The following RIC3 variants were observed in gnomAD, a reference collection of about 807,000 sequenced individuals.
RIC3 encodes RIC3 acetylcholine receptor chaperone, also known as protein RIC-3.
In RIC3, 28 loss-of-function variants were observed where a neutral mutation model predicts 27.3. The ratio of observed to expected loss-of-function variants is 1.02; its 90% CI spans 0.76 to 1.41. The LOEUF (loss-of-function observed/expected upper bound fraction) is 1.41, where lower values mean the gene tolerates loss of function less well. RIC3 is among the 40% of genes most tolerant of loss of function. The probability of loss-of-function intolerance (pLI) is 0.00; values close to 1 mark genes in which losing one functional copy is unlikely to be tolerated. For missense variants in RIC3, 501 were observed against 444.7 expected (o/e 1.13, Z -1.14); for synonymous variants, 184 against 160.4 (o/e 1.15, Z -1.11).
chr11:8,096,779 C>G, the RIC3 span: 1 of 1,614,184 alleles, frequency 6.2e-7, no homozygotes, highest in East Asian at 2.2e-5. Flanking sequence ...CCCGCCCCAG[C>G]TCTGCTACTA....
rs1944723489 is a variant in RIC3 at position 8,106,867 on chromosome 11, G to C, written c.*3831C>G. ...TCCTGGCAATCAGGGTAGCCTTAGA[G>C]GGTGTCAGGTGTGACATCTCAGCAA... On this transcript the variant is annotated 3_prime_UTR_variant, in exon 6 of 6. Coordinates refer to ENST00000309737, the MANE Select transcript of RIC3 (RefSeq NM_001206671.4). 1 of 152,232 alleles carries C rather than the reference G, an allele frequency of 6.6e-6. No individual in the cohort carries two copies. Among genetic ancestry groups the C allele is most frequent in the Non-Finnish European group, 1.5e-5 (1 of 68,044 alleles). 9.4% of individuals were successfully genotyped at this position (152,232 alleles called of 1,614,324 possible). A position where few individuals can be genotyped will look rare whatever the true frequency, so the allele number is the denominator to read the frequency against.
chr11:8,095,593 G>A, the RIC3 span: 33 of 1,612,862 alleles, frequency 2.0e-5, no homozygotes, highest in Non-Finnish European at 2.6e-5. Context: ...CGCCCAGGAC[G>A]CAGGGGAGAC....
the RIC3 span, among the ~76,000 whole-genome samples, chr11:8,098,197 A>G: frequency 3.3e-5 from 5 of 151,046 alleles, no homozygotes; most frequent in African/African-American, 9.7e-5. Flanking sequence ...ACACACAGCA[A>G]TCTTGGGGGT....
At chr11:8,168,009 T>C (rs1465971018) in intron 1 of RIC3, among the ~76,000 whole-genome samples, 1 of 152,176 alleles carries the variant, frequency 6.6e-6, no homozygotes, top group Non-Finnish European at 1.5e-5. Context: ...AAAGGAGCTG[T>C]CCAGCAATCA....
chr11:8,106,964 C>A lies in RIC3; in HGVS notation c.*3734G>T, dbSNP rs1359903426. ...ACCTACCACATGCTTTGCCCTGGCA[C>A]AGACACTTTATAAACAGCATCTTAT... is the stretch of plus-strand genomic sequence containing the variant. On this transcript the variant is annotated 3_prime_UTR_variant, in exon 6 of 6. Coordinates refer to ENST00000309737, the MANE Select transcript of RIC3 (RefSeq NM_001206671.4). The A allele has an allele frequency of 6.6e-6, 1 of 152,042 alleles. No individual in the cohort carries two copies. Among genetic ancestry groups the A allele is most frequent in the South Asian group, 2.1e-4 (1 of 4,826 alleles). The allele number at this position is 152,042 out of a possible 1,614,324, so 9.4% of individuals were successfully genotyped here.
At chr11:8,138,733 G>C (rs1948694870) in intron 2 of RIC3, 1 of 220,988 alleles carries the variant, frequency 4.5e-6, no homozygotes, top group Non-Finnish European at 8.7e-6. Flanking sequence ...ATTTGCCCTG[G>C]CATGCTTATA....
rs763049440 is a variant in RIC3 at position 8,137,471 on chromosome 11, G to T, written c.428C>A (p.Thr143Asn). 3.0e-5 allele frequency: 48 copies of T among 1,613,110 alleles called. No individual in the cohort carries two copies. The Admixed American group carries it at 7.7e-4, about 26-fold the overall frequency. ...AMPGNTHRKI[T>N]SFELAQLQEK... ...TTGCAGTTGAGCAAGCTCAAAACTG[G>T]CTAAAAAATAAGCAACAATCTAAGA... The change falls in exon 4 of 6, where the codon ACC becomes AAC. Residue 143 changes from threonine to asparagine, a missense_variant and splice_region_variant. Coordinates refer to ENST00000309737, the MANE Select transcript of RIC3 (RefSeq NM_001206671.4).
chr11:8,146,605 G>A (rs566326473), intron 1 of RIC3, among the ~76,000 whole-genome samples: 3 of 152,254 alleles, frequency 2.0e-5, no homozygotes, highest in African/African-American at 7.2e-5. Context: ...CCCTCAGGAG[G>A]TCCTGAGAAC....
At chr11:8,095,471 T>C in the RIC3 span, 2 of 1,584,340 alleles carry the variant, frequency 1.3e-6, no homozygotes, top group Non-Finnish European at 1.7e-6. Flanking sequence ...CTCCTGGATG[T>C]AACTCAGGCG....
At chr11:8,101,013 C>T in the RIC3 span, 2 of 1,613,914 alleles carry the variant, frequency 1.2e-6, no homozygotes, top group South Asian at 2.2e-5. Flanking sequence ...TGTTTCTGTC[C>T]CTACTCATTA....
intron 5 of RIC3, among the ~76,000 whole-genome samples, chr11:8,115,771 G>T (rs1945792363): frequency 6.6e-6 from 1 of 152,144 alleles, no homozygotes; most frequent in African/African-American, 2.4e-5. Flanking sequence ...ATGAAAAGAT[G>T]TCCCGTTTAT....
intron 1 of RIC3, among the ~76,000 whole-genome samples, chr11:8,154,780 G>C (rs1013067718): frequency 1.3e-5 from 2 of 152,092 alleles, no homozygotes; most frequent in African/African-American, 2.4e-5. Context: ...ATTAAAAACA[G>C]CTAAAGAGAT....
intron 1 of RIC3, among the ~76,000 whole-genome samples, chr11:8,145,148 T>A (rs1388245752): frequency 7.0e-6 from 1 of 142,596 alleles, no homozygotes; most frequent in Non-Finnish European, 1.5e-5. Context: ...ACCTGCACAA[T>A]GTGCACATGT....
At chr11:8,118,527 TAAAAAAA>T (rs11378233) in intron 5 of RIC3, among the ~76,000 whole-genome samples, 8,077 of 66,768 alleles carry the variant, frequency 0.12, 341 homozygotes, top group South Asian at 0.23. Context: ...GCCATAATTG[TAAAAAAA>T]AAAAAAAAAA....
intron 4 of RIC3, chr11:8,128,397 G>A: frequency 2.6e-6 from 1 of 377,886 alleles, no homozygotes; most frequent in Non-Finnish European, 5.2e-6. Context: ...GAACAGACAA[G>A]AGCTTTCCCA....
chr11:8,098,134 C>T, the RIC3 span, among the ~76,000 whole-genome samples: 1 of 151,940 alleles, frequency 6.6e-6, no homozygotes, highest in Non-Finnish European at 1.5e-5. Context: ...GTTGCCTTGG[C>T]TCCATGGTCA....
At chr11:8,166,298 T>C (rs765084812) in intron 1 of RIC3, among the ~76,000 whole-genome samples, 1 of 152,212 alleles carries the variant, frequency 6.6e-6, no homozygotes, top group East Asian at 1.9e-4. Context: ...TTGGAATACA[T>C]AGTGTCTATA....
the RIC3 span, chr11:8,097,825 C>A: frequency 6.2e-7 from 1 of 1,611,214 alleles, no homozygotes; most frequent in East Asian, 2.2e-5. Context: ...CGGGAAACTG[C>A]GGTACTAGCA....
At chr11:8,097,906 C>T in the RIC3 span, 5 of 1,085,572 alleles carry the variant, frequency 4.6e-6, no homozygotes, top group Non-Finnish European at 2.8e-6. Flanking sequence ...CCTGAATCTT[C>T]CTGAAGGAGA....
Sources: gnomAD v4.1 joint callset for allele counts (sites outside exome capture counted in the v4.1 genomes callset) on GRCh38, gnomAD v4.1.1 for gene constraint, MANE v1.5 for transcripts, NCBI Gene and HGNC (gene_info 2026-07-23, HGNC 2026-07-21) for gene names.